LPA: variants seen among roughly 807,000 people sequenced by gnomAD.
LPA encodes the protein lipoprotein(a).
Under a neutral mutation model 197.9 loss-of-function variants are expected in LPA, and 199 were observed. The ratio of observed to expected loss-of-function variants is 1.01; its 90% CI spans 0.90 to 1.13. LPA has a LOEUF of 1.13. LPA is among the 50% of genes most tolerant of loss of function. LPA has a pLI of 0.00. For missense variants in LPA, 1,853 were observed against 1,785.8 expected (o/e 1.04, Z -0.68); for synonymous variants, 715 against 639.5 (o/e 1.12, Z -1.78).
At chr6:160,606,437 A>G (rs755522503) in intron 17 of LPA, 40 bp downstream of exon 17, 8 of 1,608,532 alleles carry the variant, frequency 5.0e-6, no homozygotes, top group Non-Finnish European at 6.8e-6. Context: ...TTTTCATCCC[A>G]GCATCGAAAC....
chr6:160,547,439 G>A (rs1039912193), intron 32 of LPA, among the ~76,000 whole-genome samples: 3 of 152,144 alleles, frequency 2.0e-5, no homozygotes, highest in African/African-American at 4.8e-5. Context: ...TTGCTCCCCC[G>A]AAGCTCACCT....
At chr6:160,576,399 T>TATAC (rs1778676476) in intron 28 of LPA, among the ~76,000 whole-genome samples, 1 of 56,088 alleles carries the variant, frequency 1.8e-5, no homozygotes, top group South Asian at 5.2e-4. Context: ...TGTATATATA[T>TATAC]ATATATATAT....
At chr6:160,566,834 G>A (rs1445327424) in intron 28 of LPA, among the ~76,000 whole-genome samples, 1 of 152,036 alleles carries the variant, frequency 6.6e-6, no homozygotes, top group Non-Finnish European at 1.5e-5. Context: ...AAAAAGCAGG[G>A]GTTGCAATCC....
At chr6:160,584,969 T>G in intron 26 of LPA, 77 bp downstream of exon 26, 34 of 1,477,986 alleles carry the variant, frequency 2.3e-5, no homozygotes, top group Non-Finnish European at 3.0e-5. Flanking sequence ...ACCTAGGAAG[T>G]GAGCTTGTAG....
At chr6:160,615,384 GTAGCTCATTC>G (rs1779578936) in intron 14 of LPA, among the ~76,000 whole-genome samples, 1 of 127,060 alleles carries the variant, frequency 7.9e-6, no homozygotes, top group African/African-American at 3.1e-5. Flanking sequence ...GTGTGTGTGT[GTAGCTCATTC>G]TGTAGGTTCT....
At chr6:160,650,707 AGT>A (rs1425360438) in intron 1 of LPA, among the ~76,000 whole-genome samples, 9 of 152,210 alleles carry the variant, frequency 5.9e-5, no homozygotes, top group African/African-American at 2.2e-4. Flanking sequence ...TTTATTTAAA[AGT>A]TTAGAGGAAG....
chr6:160,548,817 C>T (rs1583571339), intron 30 of LPA, among the ~76,000 whole-genome samples, 158 bp from the exon 31 acceptor site: 1 of 152,194 alleles, frequency 6.6e-6, no homozygotes, highest in African/African-American at 2.4e-5. Flanking sequence ...TGTTCCTCAA[C>T]TTCCCATTTG....
intron 31 of LPA, 139 bp downstream of exon 31, chr6:160,548,339 G>T: frequency 2.3e-6 from 2 of 871,064 alleles, no homozygotes; most frequent in Non-Finnish European, 1.8e-6. Context: ...CTTGGTCATG[G>T]CAGAACCTCA....
intron 2 of LPA, among the ~76,000 whole-genome samples, chr6:160,649,813 C>T (rs1779970833): frequency 1.3e-5 from 2 of 152,152 alleles, no homozygotes; most frequent in Admixed American, 6.6e-5. Context: ...TGCCTTCCTG[C>T]CTTTGCTTCT....
intron 7 of LPA, 121 bp from the exon 8 acceptor site, chr6:160,634,033 T>TACAG: frequency 2.1e-6 from 3 of 1,411,054 alleles, no homozygotes; most frequent in African/African-American, 1.5e-5. Context: ...TTCCCTTACC[T>TACAG]GTAGGCAGAT....
chr6:160,534,573 G>T (rs1446914621), intron 37 of LPA, among the ~76,000 whole-genome samples: 1 of 152,204 alleles, frequency 6.6e-6, no homozygotes, highest in East Asian at 1.9e-4. Context: ...ATCCGGGAAG[G>T]TCTGGACACA....
chr6:160,574,370 T>C (rs2115027542), intron 28 of LPA, among the ~76,000 whole-genome samples: 1 of 152,240 alleles, frequency 6.6e-6, no homozygotes, highest in African/African-American at 2.4e-5. Context: ...TTCCCCCACC[T>C]GTGAAGTCTG....
intron 28 of LPA, among the ~76,000 whole-genome samples, chr6:160,567,934 G>C (rs1264861257): frequency 6.6e-6 from 1 of 152,078 alleles, no homozygotes; most frequent in African/African-American, 2.4e-5. Context: ...ACCCTACCAA[G>C]ACTAAACCAG....
In LPA at chr6:160,585,951, C is replaced by T. The variant is rs147599802; in HGVS notation, c.4129+498G>A. Among the ~76,000 whole-genome samples, 16 of 150,048 alleles carry T rather than the reference C, an allele frequency of 1.1e-4. No homozygotes were observed. In the East Asian group the frequency reaches 2.1e-3, roughly 20 times the overall value. On this transcript the variant is annotated intron_variant, in intron 25 of 38. Coordinates refer to ENST00000316300, the MANE Select transcript of LPA (RefSeq NM_005577.4). ...GATGAAGGTAGGCTGGGGAGATAAACAATTTGGTGGCTATGTACTGCTTCA... is the reference window on the plus strand; with the variant it reads ...GATGAAGGTAGGCTGGGGAGATAAATAATTTGGTGGCTATGTACTGCTTCA...
In LPA at chr6:160,551,910, A is replaced by G. The variant is rs542423511; in HGVS notation, c.4974-3251T>C. ...CATACTTTTTTGGCCAATAACACAT[A>G]TCCTTTTTTTTTTTTTTTTTTGAGA... On this transcript the variant is annotated intron_variant, in intron 30 of 38. Coordinates refer to ENST00000316300, the MANE Select transcript of LPA (RefSeq NM_005577.4). Among the ~76,000 whole-genome samples, 547 of 138,244 alleles carry G rather than the reference A, an allele frequency of 4.0e-3. 6 individuals carry two copies. The highest frequency in any genetic ancestry group is 0.014 in the African/African-American group (538 of 37,242). 90.7% of individuals were successfully genotyped at this position (138,244 alleles called of 152,430 possible). A position where few individuals can be genotyped will look rare whatever the true frequency, so the allele number is the denominator to read the frequency against.
chr6:160,655,042 A>T (rs1372116271), intron 1 of LPA, among the ~76,000 whole-genome samples: 3 of 152,118 alleles, frequency 2.0e-5, no homozygotes, highest in Non-Finnish European at 2.9e-5. Context: ...TGCCTTCAGG[A>T]CCTGCTCAAG....
chr6:160,585,672 C>A (rs1420230449), intron 25 of LPA, among the ~76,000 whole-genome samples: 1 of 151,986 alleles, frequency 6.6e-6, no homozygotes, highest in Non-Finnish European at 1.5e-5. Flanking sequence ...GGGTGTGGGG[C>A]AGAAAAGGAT....
intron 28 of LPA, among the ~76,000 whole-genome samples, chr6:160,569,767 A>G (rs1778529683): frequency 6.6e-6 from 1 of 152,210 alleles, no homozygotes; most frequent in Non-Finnish European, 1.5e-5. Context: ...ATCTACAAAG[A>G]ACATAAACAA....
chr6:160,590,381 T>A (rs2115043539), intron 23 of LPA, among the ~76,000 whole-genome samples: 1 of 152,256 alleles, frequency 6.6e-6, no homozygotes, highest in Non-Finnish European at 1.5e-5. Context: ...AAGAAATCCC[T>A]TCCATCAAAG....
Sources: allele counts gnomAD v4.1 joint callset (sites outside exome capture counted in the v4.1 genomes callset), GRCh38; gene constraint gnomAD v4.1.1; transcripts MANE v1.5; gene names NCBI Gene and HGNC (gene_info 2026-07-23, HGNC 2026-07-21).